WDR88: variants seen among roughly 807,000 people sequenced by gnomAD.
WDR88 encodes the protein WD repeat-containing protein 88.
Under a neutral mutation model 46.8 loss-of-function variants are expected in WDR88, and 40 were observed. The observed-to-expected ratio is 0.86, with a 90% confidence interval of 0.66 to 1.11. The LOEUF is 1.11. Among genes scored for constraint, WDR88 ranks in the 50% most tolerant of loss-of-function variants. The pLI is 0.00. For missense variants in WDR88, 562 were observed against 602.4 expected (o/e 0.93, Z 0.70); for synonymous variants, 235 against 240.7 (o/e 0.98, Z 0.22).
intron 5 of WDR88, 106 bp downstream of exon 5, chr19:33,149,016 T>C: frequency 1.3e-6 from 2 of 1,509,592 alleles, no homozygotes; most frequent in South Asian, 2.4e-5. Flanking sequence ...ACTGTAATGG[T>C]ATGAAGCACG....
intron 8 of WDR88, among the ~76,000 whole-genome samples, chr19:33,160,973 ACCAGCCTGG>A (rs1973855139): frequency 6.6e-6 from 1 of 151,952 alleles, no homozygotes; most frequent in Non-Finnish European, 1.5e-5. Context: ...GGAGTTTGAG[ACCAGCCTGG>A]CCAACATGGT....
intron 3 of WDR88, among the ~76,000 whole-genome samples, chr19:33,145,294 C>T (rs1246413927): frequency 6.6e-6 from 1 of 151,874 alleles, no homozygotes; most frequent in Admixed American, 6.6e-5. Flanking sequence ...GCTGGGATTA[C>T]AAGTGTGCAC....
At chr19:33,149,466 A>T (rs977914817) in intron 5 of WDR88, among the ~76,000 whole-genome samples, 1 of 152,192 alleles carries the variant, frequency 6.6e-6, no homozygotes, top group Admixed American at 6.5e-5. Context: ...TCATGTGGTC[A>T]TTGACAGCCT....
chr19:33,163,810 T>C (rs1482257466), intron 8 of WDR88, among the ~76,000 whole-genome samples: 2 of 152,030 alleles, frequency 1.3e-5, no homozygotes, highest in African/African-American at 4.8e-5. Flanking sequence ...TATTTTGTAT[T>C]TTTAGTAGAG....
At position 33,160,520 on chromosome 19, in the gene WDR88, G is replaced by C. The variant is rs367685946; in HGVS notation, c.1080+24G>C. On this transcript the variant is annotated intron_variant, in intron 8 of 10. Coordinates refer to ENST00000355868, the MANE Select transcript of WDR88 (RefSeq NM_173479.4). ...AGGTACATGTGGCCAGCATGAGATT[G>C]AGGATCTGAACTTCCCTCCCGAGTC... is the stretch of plus-strand genomic sequence containing the variant. 43 of 1,613,260 alleles carry C rather than the reference G, an allele frequency of 2.7e-5. No individual in the cohort carries two copies. In the African/African-American group the frequency reaches 3.7e-4, roughly 14 times the overall value.
chr19:33,159,789 G>GT (rs1973832925), intron 7 of WDR88, among the ~76,000 whole-genome samples: 2 of 152,036 alleles, frequency 1.3e-5, no homozygotes, highest in African/African-American at 4.8e-5. Flanking sequence ...TGACCCAAGT[G>GT]TATTACATTT....
In WDR88 at chr19:33,156,358, A is replaced by G. The variant is rs1973735044; in HGVS notation, c.813A>G (p.Ala271=). The G allele has an allele frequency of 1.9e-6, 3 of 1,613,932 alleles. No homozygotes were observed. The highest frequency in any genetic ancestry group is 2.5e-6 in the Non-Finnish European group (3 of 1,179,930). Reference sequence around the variant, plus strand: ...CACCCCACCATCTGTGTTTCAGGGCACATTCCAATGCAATCTCAAACTGCT... The same window carrying G: ...CACCCCACCATCTGTGTTTCAGGGCGCATTCCAATGCAATCTCAAACTGCT... The part of the protein sequence containing the change: ...SQATLLTITK[A]HSNAISNCCF... The change falls in exon 7 of 11, where the codon GCA becomes GCG. Residue 271 remains alanine (A), a synonymous_variant. Coordinates refer to ENST00000355868, the MANE Select transcript of WDR88 (RefSeq NM_173479.4).
At chr19:33,162,404 G>C (rs562031634) in intron 8 of WDR88, among the ~76,000 whole-genome samples, 3 of 151,700 alleles carry the variant, frequency 2.0e-5, no homozygotes, top group African/African-American at 7.3e-5. Context: ...TAGTAGAGAT[G>C]GTGTTTCACC....
chr19:33,137,182 G>T (rs1368733670), intron 1 of WDR88, among the ~76,000 whole-genome samples: 1 of 150,858 alleles, frequency 6.6e-6, no homozygotes, highest in South Asian at 2.1e-4. Context: ...GAACTCCTAG[G>T]CTCAAGCAGT....
At chr19:33,152,463 C>G (rs1421555948) in intron 6 of WDR88, among the ~76,000 whole-genome samples, 3 of 152,090 alleles carry the variant, frequency 2.0e-5, no homozygotes, top group Admixed American at 2.0e-4. Flanking sequence ...CTTTCTGTCT[C>G]TATGAATCTG....
At chr19:33,155,897 C>T (rs1973725346) in intron 6 of WDR88, among the ~76,000 whole-genome samples, 1 of 152,150 alleles carries the variant, frequency 6.6e-6, no homozygotes, top group South Asian at 2.1e-4. Context: ...CAGGACGGCC[C>T]CCACAACTCT....
chr19:33,173,527 C>T (rs915711264), intron 10 of WDR88, among the ~76,000 whole-genome samples: 2 of 152,268 alleles, frequency 1.3e-5, no homozygotes, highest in Non-Finnish European at 2.9e-5. Context: ...CCTTTAAGTC[C>T]TTCCCTGGGA....
chr19:33,157,583 A>G (rs10410791), intron 7 of WDR88, among the ~76,000 whole-genome samples: 2 of 142,344 alleles, frequency 1.4e-5, no homozygotes, highest in East Asian at 2.0e-4. Context: ...GTGTATATAT[A>G]TGTATATATG....
intron 1 of WDR88, 109 bp from the exon 2 acceptor site, chr19:33,137,568 A>AT (rs1406091017): frequency 8.7e-6 from 9 of 1,032,520 alleles, no homozygotes; most frequent in African/African-American, 1.6e-5. Flanking sequence ...TTTTAAATTC[A>AT]TTTTTTTCCG....
chr19:33,132,504 G>C lies in WDR88; in HGVS notation c.276+59G>C, dbSNP rs761573436. ...CCTGTTCCCCACACGGGAGGAAGGC[G>C]CTCGAGCTGTCGGGGGACCCATGGA... On this transcript the variant is annotated intron_variant, in intron 1 of 10. Transcript: ENST00000355868. 24 of 1,587,954 alleles carry C rather than the reference G, an allele frequency of 1.5e-5. No individual in the cohort carries two copies. The Admixed American group carries it at 4.1e-4, about 27-fold the overall frequency.
chr19:33,174,364 G>T, intron 10 of WDR88: 1 of 1,437,638 alleles, frequency 7.0e-7, no homozygotes, highest in Non-Finnish European at 9.1e-7. Context: ...AAGCCCAGGG[G>T]CTGGGAGAGC....
At chr19:33,170,137 A>AC (rs1371758994) in intron 9 of WDR88, among the ~76,000 whole-genome samples, 1 of 152,014 alleles carries the variant, frequency 6.6e-6, no homozygotes, top group African/African-American at 2.4e-5. Flanking sequence ...TTGGCCTCCC[A>AC]AAGTGCTGGG....
intron 10 of WDR88, chr19:33,174,062 G>A: frequency 2.9e-6 from 3 of 1,018,770 alleles, no homozygotes; most frequent in Non-Finnish European, 4.3e-6. Context: ...ATGTTGGCCA[G>A]GTTGGTCTCG....
chr19:33,158,940 T>A (rs997295466), intron 7 of WDR88, among the ~76,000 whole-genome samples: 1 of 152,152 alleles, frequency 6.6e-6, no homozygotes, highest in Admixed American at 6.6e-5. Context: ...CCTCATGTGA[T>A]CTGCCTGCCT....
Sources: allele counts gnomAD v4.1 joint callset (sites outside exome capture counted in the v4.1 genomes callset), GRCh38; gene constraint gnomAD v4.1.1; transcripts MANE v1.5; gene names NCBI Gene and HGNC (gene_info 2026-07-23, HGNC 2026-07-21).